Variants in SYN2 observed in about 807,000 individuals in gnomAD.
The protein encoded by SYN2 is synapsin II.
SYN2 carries 19 observed loss-of-function variants against 50.9 expected under a neutral mutation model. The ratio of observed to expected loss-of-function variants is 0.37; its 90% CI spans 0.26 to 0.55. The LOEUF (loss-of-function observed/expected upper bound fraction) is 0.55, where lower values mean the gene tolerates loss of function less well. Among genes scored for constraint, SYN2 ranks in the 20% least tolerant of loss-of-function variants. The pLI is 0.81. For synonymous variants in SYN2, 255 were observed against 224.9 expected, an observed-to-expected ratio of 1.13 and a Z score of -1.20; for missense variants, 587 against 576.4, an observed-to-expected ratio of 1.02 and a Z score of -0.19.
At chr3:12,174,538 G>A (rs566938782) in intron 10 of SYN2, among the ~76,000 whole-genome samples, 2 of 152,122 alleles carry the variant, frequency 1.3e-5, no homozygotes, top group African/African-American at 2.4e-5. Flanking sequence ...GCTGGAGTGT[G>A]GTGGTGCATC....
intron 1 of SYN2, among the ~76,000 whole-genome samples, chr3:12,019,516 A>G (rs1334693500): frequency 6.6e-6 from 1 of 152,206 alleles, no homozygotes; most frequent in East Asian, 1.9e-4. Flanking sequence ...ACCTACATGA[A>G]AAGTCTACTC....
chr3:12,012,927 T>A (rs914445575), intron 1 of SYN2, among the ~76,000 whole-genome samples: 27 of 152,214 alleles, frequency 1.8e-4, no homozygotes, highest in African/African-American at 6.5e-4. Flanking sequence ...AAGATAAATC[T>A]CACTCGTTAC....
At chr3:12,185,912 A>G (rs528132597) in intron 11 of SYN2, among the ~76,000 whole-genome samples, 6 of 152,356 alleles carry the variant, frequency 3.9e-5, no homozygotes, top group South Asian at 2.1e-4. Context: ...CTGCTAATCT[A>G]TCATCTTCAC....
At chr3:12,111,953 ATTG>A (rs1183025397) in intron 1 of SYN2, among the ~76,000 whole-genome samples, 3 of 152,184 alleles carry the variant, frequency 2.0e-5, no homozygotes, top group South Asian at 4.1e-4. Context: ...TCATGGCATC[ATTG>A]TTGTATCCAG....
chr3:12,009,461 A>G (rs557079483), intron 1 of SYN2, among the ~76,000 whole-genome samples: 1 of 152,252 alleles, frequency 6.6e-6, no homozygotes, highest in East Asian at 1.9e-4. Flanking sequence ...TAATGATAGC[A>G]TTTAAACCTG....
intron 1 of SYN2, among the ~76,000 whole-genome samples, chr3:12,104,522 G>A (rs1696138320): frequency 6.7e-6 from 1 of 148,428 alleles, no homozygotes; most frequent in Non-Finnish European, 1.5e-5. Flanking sequence ...AACAATTAGA[G>A]AACATACCTC....
intron 3 of SYN2, among the ~76,000 whole-genome samples, chr3:12,144,601 T>G (rs1697102275): frequency 6.6e-6 from 1 of 152,218 alleles, no homozygotes; most frequent in African/African-American, 2.4e-5. Context: ...ATTTTTCACT[T>G]AAGATGTGAG....
intron 1 of SYN2, among the ~76,000 whole-genome samples, chr3:12,059,729 C>T (rs1164159342): frequency 6.6e-6 from 1 of 152,032 alleles, no homozygotes; most frequent in Non-Finnish European, 1.5e-5. Context: ...ATTTACTTCT[C>T]AGGGCTAGCT....
intron 11 of SYN2, among the ~76,000 whole-genome samples, chr3:12,186,298 G>A (rs1318814841): frequency 2.6e-5 from 4 of 152,176 alleles, no homozygotes; most frequent in Non-Finnish European, 2.9e-5. Context: ...TGCTAATGGG[G>A]ATGGCTTTTG....
intron 1 of SYN2, chr3:12,070,975 G>T: frequency 1.8e-6 from 1 of 548,328 alleles, no homozygotes. Context: ...TGACAGCCTG[G>T]TCATCACCAT....
intron 1 of SYN2, among the ~76,000 whole-genome samples, chr3:12,114,521 T>C (rs1696388710): frequency 6.6e-6 from 1 of 151,894 alleles, no homozygotes; most frequent in Non-Finnish European, 1.5e-5. Context: ...TACTCTAAGA[T>C]CATGAAGATT....
intron 5 of SYN2, chr3:12,153,342 G>T: frequency 1.4e-6 from 1 of 712,762 alleles, no homozygotes; most frequent in Non-Finnish European, 2.4e-6. Flanking sequence ...GCTGAGGGCA[G>T]GGCAGAAAAG....
At chr3:12,034,159 G>A (rs1007454771) in intron 1 of SYN2, among the ~76,000 whole-genome samples, 1 of 152,136 alleles carries the variant, frequency 6.6e-6, no homozygotes, top group Admixed American at 6.5e-5. Context: ...GCAATTTATG[G>A]TTCCACTTTC....
intron 4 of SYN2, among the ~76,000 whole-genome samples, chr3:12,150,780 C>T (rs892068300): frequency 6.6e-6 from 1 of 152,184 alleles, no homozygotes; most frequent in African/African-American, 2.4e-5. Context: ...AAAAATCCAT[C>T]ATTCCTTTGC....
rs193024911 is a variant in SYN2 at position 12,151,259 on chromosome 3, A to C, written c.707A>C (p.Tyr236Ser). 6.2e-6 allele frequency: 10 copies of C among 1,613,036 alleles called. No homozygotes were observed. Among genetic ancestry groups the C allele is most frequent in the Non-Finnish European group, 8.5e-6 (10 of 1,179,690 alleles). ...PWVFAQLVAI[Y>S]KTLGGEKFPL... Reference sequence around the variant, plus strand: ...CAGTTTGCCCAGCTGGTCGCTATCTATAAGACACTGGGAGGAGAAAAGTTC... The same window carrying C: ...CAGTTTGCCCAGCTGGTCGCTATCTCTAAGACACTGGGAGGAGAAAAGTTC... Residue 236 changes from tyrosine to serine, a missense_variant, in exon 5 of 13, where the codon TAT (tyrosine) becomes TCT (serine). Physicochemically the swap from Tyr to Ser is moderately radical, Grantham distance 144. Transcript: ENST00000621198.
intron 1 of SYN2, among the ~76,000 whole-genome samples, chr3:12,013,907 T>C (rs1490078908): frequency 6.6e-6 from 1 of 152,210 alleles, no homozygotes; most frequent in Non-Finnish European, 1.5e-5. Context: ...ATACACACAT[T>C]GTTGCATTCC....
At chr3:12,058,841 C>T (rs1329804488) in intron 1 of SYN2, among the ~76,000 whole-genome samples, 1 of 152,102 alleles carries the variant, frequency 6.6e-6, no homozygotes, top group Non-Finnish European at 1.5e-5. Flanking sequence ...CCTGAGAGTC[C>T]CTTCTCATTA....
At chr3:12,167,365 T>C in intron 8 of SYN2, 57 bp downstream of exon 8, 1 of 1,537,456 alleles carries the variant, frequency 6.5e-7, no homozygotes, top group Non-Finnish European at 8.9e-7. Flanking sequence ...CTTCCTTAGA[T>C]GAAGAAGTTT....
At chr3:12,167,121 TGG>T in intron 7 of SYN2, 111 bp from the exon 8 acceptor site, 1 of 1,066,262 alleles carries the variant, frequency 9.4e-7, no homozygotes. Context: ...GGGCTACTTG[TGG>T]GAGAAGCAGG....
Sources: allele counts gnomAD v4.1 joint callset (sites outside exome capture counted in the v4.1 genomes callset), GRCh38; gene constraint gnomAD v4.1.1; transcripts MANE v1.5; gene names NCBI Gene and HGNC (gene_info 2026-07-23, HGNC 2026-07-21).